Variants in TULP4 observed in about 807,000 individuals in gnomAD.
TULP4 encodes the protein tubby-related protein 4.
TULP4 carries 16 observed loss-of-function variants against 129.0 expected under a neutral mutation model. The ratio of observed to expected loss-of-function variants is 0.12; its 90% CI spans 0.08 to 0.19. TULP4 has a LOEUF of 0.19. TULP4 is among the 10% of genes least tolerant of loss of function. The probability of loss-of-function intolerance (pLI) is 1.00; values close to 1 mark genes in which losing one functional copy is unlikely to be tolerated. For missense variants in TULP4, 1,842 were observed against 2,059.1 expected, an observed-to-expected ratio of 0.89 and a Z score of 2.04; for synonymous variants, 998 against 854.0, an observed-to-expected ratio of 1.17 and a Z score of -2.94.
chr6:158,429,920 G>A (rs950955646), intron 3 of TULP4, 23 bp downstream of exon 3: 2 of 1,608,348 alleles, frequency 1.2e-6, no homozygotes, highest in African/African-American at 1.3e-5. Context: ...AAATGTGGTG[G>A]GTGTGTGACG....
chr6:158,400,302 A>AT (rs1464250311), intron 1 of TULP4, among the ~76,000 whole-genome samples: 1 of 152,240 alleles, frequency 6.6e-6, no homozygotes, highest in African/African-American at 2.4e-5. Flanking sequence ...AATAAATGCC[A>AT]TATTTATATG....
intron 1 of TULP4, among the ~76,000 whole-genome samples, chr6:158,267,746 T>A (rs932216198): frequency 1.3e-5 from 2 of 152,232 alleles, no homozygotes; most frequent in African/African-American, 4.8e-5. Flanking sequence ...CAAGAAGGCC[T>A]GCCAAGGTCA....
chr6:158,264,737 G>A (rs1222189576), intron 1 of TULP4, among the ~76,000 whole-genome samples: 2 of 152,272 alleles, frequency 1.3e-5, no homozygotes, highest in East Asian at 3.9e-4. Flanking sequence ...TGGGAGCACC[G>A]CATGTGGGTT....
At chr6:158,474,604 G>C (rs629389) in intron 6 of TULP4, among the ~76,000 whole-genome samples, 63,550 of 152,006 alleles carry the variant, frequency 0.42, 14,591 homozygotes, top group African/African-American at 0.62. Context: ...TCTGGCTCTC[G>C]CTCAACACTG....
Position 158,361,848 on chromosome 6 carries a change from A to G in TULP4, c.252+47580A>G, listed in dbSNP as rs370544108. 6.6e-5 allele frequency among the ~76,000 whole-genome samples: 10 copies of G among 152,300 alleles called. No individual in the cohort carries two copies. In the East Asian group the frequency reaches 1.5e-3, roughly 23 times the overall value. ...AAGAGTGTATATTGGTTTAAATTAT[A>G]CCAACTTCCTCTGGGTTTTAGAGGT... On this transcript the variant is annotated intron_variant, in intron 1 of 13. Transcript: ENST00000367097.
rs1048282487 is a variant in TULP4, at chr6:158,449,313, C to G, written c.724+137C>G. 3 of 864,894 alleles carry G rather than the reference C, an allele frequency of 3.5e-6. No homozygotes were observed. In the East Asian group the frequency reaches 8.0e-5, roughly 23 times the overall value. 53.6% of individuals were successfully genotyped at this position (864,894 alleles called of 1,614,324 possible). A position where few individuals can be genotyped will look rare whatever the true frequency, so the allele number is the denominator to read the frequency against. ...ACCCGGGCTTCCTGGGAAGAGTTAT[C>G]AAGCTGAAATGCAAGGTAGGGCTGG... On this transcript the variant is annotated intron_variant, in intron 4 of 13. Coordinates refer to ENST00000367097, the MANE Select transcript of TULP4 (RefSeq NM_020245.5).
chr6:158,267,961 G>A (rs948398113), intron 1 of TULP4, among the ~76,000 whole-genome samples: 4 of 151,554 alleles, frequency 2.6e-5, no homozygotes. Context: ...GTTTTCCACA[G>A]GTTTTTAAAA....
At chr6:158,265,952 T>A (rs1005926498) in intron 1 of TULP4, among the ~76,000 whole-genome samples, 1 of 152,214 alleles carries the variant, frequency 6.6e-6, no homozygotes, top group East Asian at 1.9e-4. Context: ...CCATATTGCC[T>A]TTACCTTTTT....
chr6:158,349,717 C>G (rs1318592236), intron 1 of TULP4, among the ~76,000 whole-genome samples: 1 of 119,180 alleles, frequency 8.4e-6, no homozygotes, highest in African/African-American at 3.3e-5. Context: ...AGACGATGGG[C>G]GGCCGGGCAG....
In TULP4 at chr6:158,504,020, AAGG is replaced by A. The variant is rs1562596059; in HGVS notation, c.4362_4364del (p.Glu1454del). On this transcript the variant is annotated inframe_deletion, in exon 13 of 14. Coordinates refer to ENST00000367097, the MANE Select transcript of TULP4 (RefSeq NM_020245.5). ...GGCCAAGTGCCGGCGGGCCAGTGAGAAGGAGGACGGGCGGCTGGGCAGCCAAGG... is the reference window on the plus strand; with the variant it reads ...GGCCAAGTGCCGGCGGGCCAGTGAGAAGGACGGGCGGCTGGGCAGCCAAGG... 2 of 1,612,246 alleles carry A rather than the reference AAGG, an allele frequency of 1.2e-6. No homozygotes were observed. The highest frequency in any genetic ancestry group is 1.7e-6 in the Non-Finnish European group (2 of 1,179,270).
upstream of TULP4, among the ~76,000 whole-genome samples, chr6:158,278,941 G>GT (rs35915892): frequency 4.4e-3 from 548 of 123,376 alleles, 3 homozygotes; most frequent in African/African-American, 0.014. Context: ...GTTTTTTTTT[G>GT]TTTTTTTTTT....
At position 158,331,732 on chromosome 6, in the gene TULP4, C is replaced by CACGT. The variant is rs1562523199; in HGVS notation, c.252+17464_252+17465insACGT. ...ACACACACACACACACACACACATA[C>CACGT]GTATATATATACGTGTATATACACG... is the stretch of plus-strand genomic sequence containing the variant. On this transcript the variant is annotated intron_variant, in intron 1 of 13. Transcript: ENST00000367097. Among the ~76,000 whole-genome samples, 43 of 7,788 alleles carry CACGT rather than the reference C, an allele frequency of 5.5e-3. 4 individuals carry two copies. The highest frequency in any genetic ancestry group is 0.014 in the African/African-American group (37 of 2,688). The allele number at this position is 7,788 out of a possible 152,430, so 5.1% of individuals were successfully genotyped here. A position where few individuals can be genotyped will look rare whatever the true frequency, so the allele number is the denominator to read the frequency against.
chr6:158,283,288 TAAAAG>T (rs1193014072), intron 1 of TULP4, among the ~76,000 whole-genome samples: 3 of 152,222 alleles, frequency 2.0e-5, no homozygotes, highest in East Asian at 3.8e-4. Context: ...ATTGTTGTAA[TAAAAG>T]AAAATCATTT....
At chr6:158,465,368 G>T (rs1040662600) in intron 6 of TULP4, among the ~76,000 whole-genome samples, 1 of 152,118 alleles carries the variant, frequency 6.6e-6, no homozygotes, top group African/African-American at 2.4e-5. Context: ...ATATTTTATT[G>T]TATGGATATA....
In TULP4 at chr6:158,333,776, TG is replaced by T. The variant is rs555756543; in HGVS notation, c.252+19509del. ...AATAAATGCAGGTACTGTTCTATTT[TG>T]TCATTTACTGGCTACCCTAAAATAT... On this transcript the variant is annotated intron_variant, in intron 1 of 13. Coordinates refer to ENST00000367097, the MANE Select transcript of TULP4 (RefSeq NM_020245.5). Among the ~76,000 whole-genome samples the T allele has an allele frequency of 9.2e-5, 14 of 152,354 alleles. No individual in the cohort carries two copies. In the South Asian group the frequency reaches 2.9e-3, roughly 32 times the overall value.
intron 1 of TULP4, among the ~76,000 whole-genome samples, chr6:158,276,403 C>T (rs955114857): frequency 6.7e-6 from 1 of 150,206 alleles, no homozygotes; most frequent in Non-Finnish European, 1.5e-5. Flanking sequence ...CTCCTGGGCT[C>T]AAGTCATCCT....
At chr6:158,439,734 C>T (rs1246059358) in intron 3 of TULP4, among the ~76,000 whole-genome samples, 6 of 82,758 alleles carry the variant, frequency 7.3e-5, no homozygotes, top group African/African-American at 1.1e-4. Flanking sequence ...TTTTTTGAGA[C>T]GGAGTCTTGC....
At chr6:158,298,282 A>C (rs10080517) in intron 1 of TULP4, among the ~76,000 whole-genome samples, 26,192 of 152,144 alleles carry the variant, frequency 0.17, 2,661 homozygotes, top group Middle Eastern at 0.24. Flanking sequence ...AGTGGTCCTG[A>C]GGTGACGTAC....
chr6:158,456,911 A>G (rs1211217917), intron 5 of TULP4, among the ~76,000 whole-genome samples: 1 of 152,088 alleles, frequency 6.6e-6, no homozygotes, highest in Non-Finnish European at 1.5e-5. Context: ...ACAGTGCTAT[A>G]TGTAGGCAAT....
Sources: allele counts gnomAD v4.1 joint callset (sites outside exome capture counted in the v4.1 genomes callset), GRCh38; gene constraint gnomAD v4.1.1; transcripts MANE v1.5; gene names NCBI Gene and HGNC (gene_info 2026-07-23, HGNC 2026-07-21).